The following ROBO2 variants were observed in gnomAD, a reference collection of about 807,000 sequenced individuals.
ROBO2 encodes roundabout homolog 2.
A neutral mutation model predicts 160.8 loss-of-function variants in ROBO2; 53 were observed. The observed-to-expected ratio is 0.33, with a 90% CI of 0.26 to 0.41. ROBO2 has a LOEUF of 0.41. ROBO2 is among the 10% of genes least tolerant of loss of function. The probability of loss-of-function intolerance (pLI) is 1.00; values close to 1 mark genes in which losing one functional copy is unlikely to be tolerated. For synonymous variants in ROBO2, 664 were observed against 611.7 expected (o/e 1.09, Z -1.26); for missense variants, 1,577 against 1,722.4 (o/e 0.92, Z 1.49).
At chr3:76,379,844 C>A (rs1262457047) in intron 2 of ROBO2, among the ~76,000 whole-genome samples, 1 of 152,170 alleles carries the variant, frequency 6.6e-6, no homozygotes, top group Middle Eastern at 3.4e-3. Flanking sequence ...CTAGTAATAA[C>A]CCGGTCAGCA....
chr3:76,049,653 G>A (rs2067589705), intron 2 of ROBO2, among the ~76,000 whole-genome samples: 2 of 151,842 alleles, frequency 1.3e-5, no homozygotes, highest in African/African-American at 4.8e-5. Flanking sequence ...CTTTACAGAA[G>A]CACCTCCTCT....
At chr3:75,959,799 A>ATAATAAAATTAT (rs1948847338) in intron 2 of ROBO2, among the ~76,000 whole-genome samples, 1 of 151,750 alleles carries the variant, frequency 6.6e-6, no homozygotes, top group Non-Finnish European at 1.5e-5. Flanking sequence ...AAAATTTACC[A>ATAATAAAATTAT]GGCAGAAATG....
intron 2 of ROBO2, among the ~76,000 whole-genome samples, chr3:75,967,915 G>T (rs1298092437): frequency 1.3e-5 from 2 of 151,412 alleles, no homozygotes; most frequent in African/African-American, 4.8e-5. Flanking sequence ...TATCTTCAGT[G>T]TCCAGAAGTT....
chr3:76,453,764 A>G (rs768603156), intron 2 of ROBO2, among the ~76,000 whole-genome samples: 48 of 152,194 alleles, frequency 3.2e-4, no homozygotes, highest in Non-Finnish European at 6.8e-4. Flanking sequence ...AGGTTACCCT[A>G]AGTATCCTCT....
chr3:76,915,671 C>CAAAAAAAAAAAAAAAAAAAAA (rs372827394), intron 2 of ROBO2, among the ~76,000 whole-genome samples: 1 of 96,522 alleles, frequency 1.0e-5, no homozygotes, highest in Non-Finnish European at 2.1e-5. Flanking sequence ...CTCTCGCTCT[C>CAAAAAAAAAAAAAAAAAAAAA]AAAAAAAAAA....
At chr3:77,050,657 A>ATTT (rs59318050) in intron 1 of ROBO2, among the ~76,000 whole-genome samples, 3 of 140,904 alleles carry the variant, frequency 2.1e-5, no homozygotes, top group Non-Finnish European at 1.5e-5. Context: ...GTCTCAAAAC[A>ATTT]TTTTTTTTTT....
chr3:77,348,382 T>TGGTGCGA (rs1353669138), intron 2 of ROBO2, among the ~76,000 whole-genome samples: 5 of 152,124 alleles, frequency 3.3e-5, no homozygotes, highest in Admixed American at 1.3e-4. Flanking sequence ...TTCATGGCGC[T>TGGTGCGA]GGTGCGAGTA....
chr3:77,504,733 T>A (rs763461391), intron 5 of ROBO2, among the ~76,000 whole-genome samples: 26 of 152,200 alleles, frequency 1.7e-4, no homozygotes, highest in Non-Finnish European at 3.4e-4. Flanking sequence ...TGTGTTGATA[T>A]TTCAAGGAAT....
intron 2 of ROBO2, among the ~76,000 whole-genome samples, chr3:76,918,041 A>T (rs2076430976): frequency 6.6e-6 from 1 of 152,220 alleles, no homozygotes; most frequent in Non-Finnish European, 1.5e-5. Flanking sequence ...GCAAAATGAA[A>T]GCATGGATCC....
chr3:76,373,501 T>C (rs2076202948), intron 2 of ROBO2, among the ~76,000 whole-genome samples: 1 of 151,944 alleles, frequency 6.6e-6, no homozygotes, highest in Non-Finnish European at 1.5e-5. Context: ...CATAGAACAC[T>C]CTGTTTGTCC....
chr3:77,570,212 T>C (rs142970288), intron 13 of ROBO2, among the ~76,000 whole-genome samples: 1 of 152,040 alleles, frequency 6.6e-6, no homozygotes, highest in African/African-American at 2.4e-5. Context: ...ATGTGGGAAG[T>C]CTTTGGGTAA....
intron 8 of ROBO2, 70 bp from the exon 10 acceptor site, chr3:77,557,874 C>T: frequency 8.3e-7 from 1 of 1,211,484 alleles, no homozygotes; most frequent in Non-Finnish European, 1.2e-6. Context: ...ACCTTACTTT[C>T]AGTGTCAATA....
At chr3:76,488,860 T>C (rs1447735973) in intron 2 of ROBO2, among the ~76,000 whole-genome samples, 3 of 152,120 alleles carry the variant, frequency 2.0e-5, no homozygotes, top group Non-Finnish European at 2.9e-5. Flanking sequence ...AAGTTTACTA[T>C]GGAAATTATA....
intron 2 of ROBO2, among the ~76,000 whole-genome samples, chr3:77,138,154 A>G (rs963616087): frequency 6.6e-6 from 1 of 152,222 alleles, no homozygotes; most frequent in Non-Finnish European, 1.5e-5. Context: ...TGTCCTTACC[A>G]GCACTATAAG....
At chr3:77,497,602 G>C (rs1431656396) in intron 5 of ROBO2, among the ~76,000 whole-genome samples, 3 of 152,092 alleles carry the variant, frequency 2.0e-5, no homozygotes, top group Admixed American at 2.0e-4. Context: ...AATTGGAACA[G>C]CTCTAGTTAT....
At chr3:76,586,977 T>C (rs534441695) in intron 2 of ROBO2, among the ~76,000 whole-genome samples, 2 of 152,284 alleles carry the variant, frequency 1.3e-5, no homozygotes, top group Admixed American at 6.5e-5. Context: ...AAGTCTTTAT[T>C]TGAGTTTGCT....
intron 2 of ROBO2, among the ~76,000 whole-genome samples, chr3:77,004,163 T>C (rs4855999): frequency 0.36 from 54,217 of 152,048 alleles, 10,510 homozygotes; most frequent in East Asian, 0.65. Flanking sequence ...ACTCTGGTTA[T>C]ATCAATAACA....
intron 2 of ROBO2, among the ~76,000 whole-genome samples, chr3:76,110,799 T>C (rs1197625212): frequency 6.6e-6 from 1 of 152,024 alleles, no homozygotes; most frequent in African/African-American, 2.4e-5. Context: ...AAAAATTCAA[T>C]TAATTAGTTT....
chr3:76,185,049 T>C (rs1228264465), intron 2 of ROBO2, among the ~76,000 whole-genome samples: 1 of 151,652 alleles, frequency 6.6e-6, no homozygotes, highest in East Asian at 1.9e-4. Context: ...ATCAGATTTC[T>C]AGATATTTCT....
Sources: allele counts gnomAD v4.1 joint callset (sites outside exome capture counted in the v4.1 genomes callset), GRCh38; gene constraint gnomAD v4.1.1; transcripts MANE v1.5; gene names NCBI Gene and HGNC (gene_info 2026-07-23, HGNC 2026-07-21).